Variants in COX7A2L observed in about 807,000 individuals in gnomAD.
The protein encoded by COX7A2L is cytochrome c oxidase subunit 7A2 like.
In COX7A2L, 18 loss-of-function variants were observed where a neutral mutation model predicts 14.2. That is an observed-to-expected ratio of 1.27 (90% CI 0.88 to 1.88). COX7A2L has a LOEUF of 1.88. COX7A2L is among the 40% of genes most tolerant of loss of function. The probability of loss-of-function intolerance (pLI) is 0.00; values close to 1 mark genes in which losing one functional copy is unlikely to be tolerated. For missense variants in COX7A2L, 179 were observed against 138.8 expected (o/e 1.29, Z -1.46); for synonymous variants, 65 against 57.4 (o/e 1.13, Z -0.60).
chr2:42,354,883 G>C (rs1211535027), intron 1 of COX7A2L, among the ~76,000 whole-genome samples: 1 of 152,224 alleles, frequency 6.6e-6, no homozygotes, highest in Non-Finnish European at 1.5e-5. Flanking sequence ...TGAAGTGTCA[G>C]TATCATGTCA....
intron 2 of COX7A2L, among the ~76,000 whole-genome samples, chr2:42,341,204 G>A (rs529475367): frequency 9.9e-5 from 15 of 152,230 alleles, no homozygotes; most frequent in Admixed American, 4.6e-4. Context: ...AGACAGGAGC[G>A]TGGAATGCTG....
chr2:42,354,103 A>C (rs1355612641), intron 1 of COX7A2L, among the ~76,000 whole-genome samples: 4 of 152,186 alleles, frequency 2.6e-5, no homozygotes, highest in Non-Finnish European at 2.9e-5. Context: ...TAGGGAGGTA[A>C]CAGTTAAAAG....
upstream of COX7A2L, chr2:42,361,223 G>C (rs966186302): frequency 2.0e-6 from 3 of 1,475,774 alleles, no homozygotes; most frequent in African/African-American, 1.4e-5. Flanking sequence ...GAAGGACCCC[G>C]CCTCCCCGGC....
chr2:42,368,152 C>T (rs1671203836), intron 1 of COX7A2L, among the ~76,000 whole-genome samples: 1 of 152,218 alleles, frequency 6.6e-6, no homozygotes, highest in Non-Finnish European at 1.5e-5. Context: ...GGAACAAGAA[C>T]ATGAAATTGC....
chr2:42,364,887 C>G (rs1671130880), upstream of COX7A2L, among the ~76,000 whole-genome samples: 1 of 152,120 alleles, frequency 6.6e-6, no homozygotes, highest in Non-Finnish European at 1.5e-5. Context: ...CTGACCTTCT[C>G]GTTGTTGAAT....
At chr2:42,357,200 G>A (rs920769168) in intron 1 of COX7A2L, among the ~76,000 whole-genome samples, 2 of 152,206 alleles carry the variant, frequency 1.3e-5, no homozygotes, top group Non-Finnish European at 2.9e-5. Context: ...GGAGAGAAAA[G>A]AGGATCCCCA....
chr2:42,351,814 A>G (rs1670656191), intron 2 of COX7A2L, among the ~76,000 whole-genome samples: 1 of 152,268 alleles, frequency 6.6e-6, no homozygotes, highest in South Asian at 2.1e-4. Context: ...TCTCTACAGA[A>G]TAACTAAAAT....
At chr2:42,351,498 G>T in intron 2 of COX7A2L, 139 bp from the exon 3 acceptor site, 2 of 964,852 alleles carry the variant, frequency 2.1e-6, no homozygotes, top group Non-Finnish European at 3.0e-6. Flanking sequence ...TCCATGGAAT[G>T]CTAGTAGAAG....
At chr2:42,363,800 T>G (rs775521349), upstream of COX7A2L, among the ~76,000 whole-genome samples, 27 of 152,326 alleles carry the variant, frequency 1.8e-4, no homozygotes, top group Non-Finnish European at 3.5e-4. Context: ...TGAAGGGAAG[T>G]GACCACGACT....
rs1487573264 is a variant in COX7A2L, at chr2:42,342,766, A to G, written c.193-8897T>C. 6.6e-6 allele frequency among the ~76,000 whole-genome samples: 1 copy of G among 152,032 alleles called. No individual in the cohort carries two copies. The highest frequency in any genetic ancestry group is 1.5e-5 in the Non-Finnish European group (1 of 68,002). ...GAACTCAAGGAAAAAAATATGACCT[A>G]AAGAATGCTCTTCCTGGCCATTCAG... is the stretch of plus-strand genomic sequence containing the variant. On this transcript the variant is annotated intron_variant, in intron 2 of 2. Transcript: ENST00000468711. This position sits in a 1 kb window ranked among gnomAD's most constrained non-coding sequence, Gnocchi z 4.9.
intron 1 of COX7A2L, among the ~76,000 whole-genome samples, chr2:42,366,378 C>T (rs1406318922): frequency 2.0e-5 from 3 of 152,168 alleles, no homozygotes; most frequent in Non-Finnish European, 2.9e-5. Context: ...GACCCAAGAT[C>T]GTGCCATTGC....
intron 1 of COX7A2L, among the ~76,000 whole-genome samples, chr2:42,368,582 T>C (rs908252318): frequency 2.6e-5 from 4 of 152,230 alleles, no homozygotes; most frequent in African/African-American, 9.6e-5. Flanking sequence ...AGTATTTAAT[T>C]AGTGGCTTAT....
chr2:42,348,266 T>C (rs1031953920), downstream of COX7A2L, among the ~76,000 whole-genome samples: 3 of 152,168 alleles, frequency 2.0e-5, no homozygotes, highest in Non-Finnish European at 2.9e-5. Flanking sequence ...GAATGACCAA[T>C]GAACAGAGTG....
intron 1 of COX7A2L, 188 bp downstream of exon 1, chr2:42,360,902 C>G (rs772502808): frequency 1.5e-5 from 10 of 649,006 alleles, no homozygotes; most frequent in Non-Finnish European, 2.5e-5. Context: ...GCCAGGTGAG[C>G]AGGTACACAA....
intron 2 of COX7A2L, among the ~76,000 whole-genome samples, chr2:42,341,267 C>A (rs1670399360): frequency 6.6e-6 from 1 of 152,070 alleles, no homozygotes; most frequent in East Asian, 1.9e-4. Flanking sequence ...TCACATCTAC[C>A]CCTTGGCAGG....
intron 1 of COX7A2L, among the ~76,000 whole-genome samples, chr2:42,367,950 C>T (rs1671198909): frequency 1.3e-5 from 2 of 152,204 alleles, no homozygotes; most frequent in Non-Finnish European, 2.9e-5. Context: ...TGGAGAATAA[C>T]CACATCTATT....
upstream of COX7A2L, among the ~76,000 whole-genome samples, chr2:42,363,065 G>A (rs1671094302): frequency 6.6e-6 from 1 of 151,666 alleles, no homozygotes. Flanking sequence ...TAGTAGAGAT[G>A]GGGTTTCACC....
chr2:42,364,010 G>C (rs1671109967), upstream of COX7A2L, among the ~76,000 whole-genome samples: 1 of 152,166 alleles, frequency 6.6e-6, no homozygotes, highest in East Asian at 1.9e-4. Context: ...ACTGAGTAGA[G>C]ATAGGAACCA....
chr2:42,361,078 C>A lies in COX7A2L; in HGVS notation c.72+12G>T. The A allele has an allele frequency of 6.2e-7, 1 of 1,612,922 alleles. No individual in the cohort carries two copies. Among genetic ancestry groups the A allele is most frequent in the East Asian group, 2.2e-5 (1 of 44,848 alleles). ...ACTTCTCATGTCCGAGCTGGCCAGGCGCCACTCGTACCTGCGGGCTATAGG... is the reference window on the plus strand; with the variant it reads ...ACTTCTCATGTCCGAGCTGGCCAGGAGCCACTCGTACCTGCGGGCTATAGG... On this transcript the variant is annotated intron_variant, in intron 1 of 2. Transcript: ENST00000234301.
Sources: gnomAD v4.1 joint callset for allele counts (sites outside exome capture counted in the v4.1 genomes callset) on GRCh38, gnomAD v4.1.1 for gene constraint, Gnocchi (gnomAD v3.1) non-coding constraint, MANE v1.5 for transcripts, NCBI Gene and HGNC (gene_info 2026-07-23, HGNC 2026-07-21) for gene names.